KLF12: variants seen among roughly 807,000 people sequenced by gnomAD.
KLF12 encodes the protein KLF transcription factor 12, also known as Krueppel-like factor 12.
KLF12 carries 9 observed loss-of-function variants against 37.8 expected under a neutral mutation model. The observed-to-expected ratio is 0.24, with a 90% CI of 0.14 to 0.42. The LOEUF (loss-of-function observed/expected upper bound fraction) is 0.42. KLF12 is among the 10% of genes least tolerant of loss of function. The pLI is 1.00. For synonymous variants in KLF12, 208 were observed against 202.1 expected (o/e 1.03, Z -0.25); for missense variants, 411 against 516.0 (o/e 0.80, Z 1.97).
intron 6 of KLF12, among the ~76,000 whole-genome samples, chr13:73,749,735 A>G (rs7990813): frequency 0.025 from 3,879 of 152,298 alleles, 183 homozygotes; most frequent in African/African-American, 0.089. Context: ...TAGAATCCCA[A>G]TCTTTTATAA....
intron 3 of KLF12, among the ~76,000 whole-genome samples, chr13:73,919,997 A>C (rs1420967084): frequency 6.6e-6 from 1 of 152,132 alleles, no homozygotes; most frequent in Non-Finnish European, 1.5e-5. Context: ...CCACTGAGAG[A>C]ATTTGCTGTC....
chr13:74,066,201 C>T (rs1020774931), intron 1 of KLF12, among the ~76,000 whole-genome samples: 3 of 152,138 alleles, frequency 2.0e-5, no homozygotes, highest in African/African-American at 7.2e-5. Flanking sequence ...GGGTTTCAGA[C>T]TGTACGATGT....
At chr13:73,719,154 T>C (rs987226515) in intron 6 of KLF12, among the ~76,000 whole-genome samples, 2 of 151,990 alleles carry the variant, frequency 1.3e-5, no homozygotes, top group African/African-American at 2.4e-5. Flanking sequence ...TGTGGAAAGG[T>C]AGGAAGGTAA....
At chr13:73,880,468 A>G in intron 3 of KLF12, among the ~76,000 whole-genome samples, 1 of 152,162 alleles carries the variant, frequency 6.6e-6, no homozygotes, top group East Asian at 1.9e-4. Flanking sequence ...TATTCCTCTT[A>G]AACATCTATG....
chr13:74,175,924 A>G, the KLF12 span, among the ~76,000 whole-genome samples: 1 of 152,042 alleles, frequency 6.6e-6, no homozygotes, highest in Non-Finnish European at 1.5e-5. Flanking sequence ...TATTCTTTCC[A>G]TATTTTTATG....
In KLF12 at chr13:73,687,895, A is replaced by T. The variant is rs1478673360; in HGVS notation, c.*7595T>A. 1 of 152,210 alleles carries T rather than the reference A, an allele frequency of 6.6e-6. No individual in the cohort carries two copies. 9.4% of individuals were successfully genotyped at this position (152,210 alleles called of 1,614,324 possible). ...AAAAAGTACTGAGGCGACTGTTTCC[A>T]CTATTGATCTCTTTTCAACTCACTT... On this transcript the variant is annotated 3_prime_UTR_variant, in exon 8 of 8. Coordinates refer to ENST00000377669, the MANE Select transcript of KLF12 (RefSeq NM_007249.5).
the KLF12 span, among the ~76,000 whole-genome samples, chr13:74,225,433 C>T: frequency 6.6e-6 from 1 of 152,138 alleles, no homozygotes; most frequent in African/African-American, 2.4e-5. Context: ...AGATAAATCT[C>T]TAAATCTCCA....
At chr13:73,700,503 CA>C (rs765538465) in intron 7 of KLF12, among the ~76,000 whole-genome samples, 9 of 151,486 alleles carry the variant, frequency 5.9e-5, no homozygotes, top group Non-Finnish European at 7.4e-5. Flanking sequence ...ACGATCCCCC[CA>C]AAAATCCTAT....
chr13:74,267,830 A>C, the KLF12 span, among the ~76,000 whole-genome samples: 12 of 152,228 alleles, frequency 7.9e-5, no homozygotes, highest in Non-Finnish European at 1.8e-4. Context: ...GTATCAAAAT[A>C]TCACATGTAC....
At chr13:74,046,788 C>A (rs960839128) in intron 1 of KLF12, among the ~76,000 whole-genome samples, 1 of 152,070 alleles carries the variant, frequency 6.6e-6, no homozygotes, top group Non-Finnish European at 1.5e-5. Flanking sequence ...ATTTTTTTAA[C>A]CACAGATACT....
At chr13:73,883,374 T>C (rs1266257889) in intron 3 of KLF12, among the ~76,000 whole-genome samples, 1 of 152,162 alleles carries the variant, frequency 6.6e-6, no homozygotes, top group East Asian at 1.9e-4. Flanking sequence ...ACGATAAATT[T>C]AAATGTCCTT....
the KLF12 span, among the ~76,000 whole-genome samples, chr13:74,268,221 A>G: frequency 0.018 from 2,731 of 152,278 alleles, 89 homozygotes; most frequent in African/African-American, 0.061. Context: ...TTCCAGTAGA[A>G]TTATTAGTCC....
At chr13:74,183,578 C>T in the KLF12 span, among the ~76,000 whole-genome samples, 3 of 151,870 alleles carry the variant, frequency 2.0e-5, no homozygotes, top group Non-Finnish European at 4.4e-5. Flanking sequence ...CAATTCCCTG[C>T]TTCAGGATAA....
intron 4 of KLF12, among the ~76,000 whole-genome samples, chr13:73,828,708 C>T (rs1463052366): frequency 6.6e-6 from 1 of 152,188 alleles, no homozygotes; most frequent in Non-Finnish European, 1.5e-5. Flanking sequence ...GTTTCCTATG[C>T]TTCCCTGTAG....
chr13:74,268,026 G>A, the KLF12 span, among the ~76,000 whole-genome samples: 1 of 152,140 alleles, frequency 6.6e-6, no homozygotes, highest in Non-Finnish European at 1.5e-5. Context: ...AGAGTCTTCA[G>A]GAGGAACAAG....
At chr13:74,013,406 G>A (rs1337169067) in intron 1 of KLF12, among the ~76,000 whole-genome samples, 1 of 152,208 alleles carries the variant, frequency 6.6e-6, no homozygotes, top group Admixed American at 6.5e-5. Context: ...TCTCTGGAGA[G>A]AACCACTGCT....
chr13:73,778,712 C>T (rs1217867398), intron 5 of KLF12, among the ~76,000 whole-genome samples: 1 of 152,028 alleles, frequency 6.6e-6, no homozygotes, highest in African/African-American at 2.4e-5. Flanking sequence ...CAGCCTGTCA[C>T]GCAGGTATTA....
At chr13:74,209,280 G>C in the KLF12 span, among the ~76,000 whole-genome samples, 1 of 151,866 alleles carries the variant, frequency 6.6e-6, no homozygotes, top group Non-Finnish European at 1.5e-5. Flanking sequence ...CTAAGTGTCC[G>C]AGGCTAACTT....
the KLF12 span, among the ~76,000 whole-genome samples, chr13:74,287,867 T>C: frequency 1.3e-5 from 2 of 152,196 alleles, no homozygotes; most frequent in Non-Finnish European, 2.9e-5. Context: ...ATGGCTTTGT[T>C]TGCATTTATT....
Sources: gnomAD v4.1 joint callset for allele counts (sites outside exome capture counted in the v4.1 genomes callset) on GRCh38, gnomAD v4.1.1 for gene constraint, MANE v1.5 for transcripts, NCBI Gene and HGNC (gene_info 2026-07-23, HGNC 2026-07-21) for gene names.